The following STK3 variants were observed in gnomAD, a reference collection of about 807,000 sequenced individuals.
The protein encoded by STK3 is serine/threonine kinase 3.
STK3 carries 41 observed loss-of-function variants against 58.0 expected under a neutral mutation model. The ratio of observed to expected loss-of-function variants is 0.71; its 90% CI spans 0.55 to 0.92. STK3 has a LOEUF of 0.92. STK3 is among the 40% of genes least tolerant of loss of function. The pLI is 0.00. For missense variants in STK3, 479 were observed against 602.7 expected, an observed-to-expected ratio of 0.79 and a Z score of 2.15; for synonymous variants, 170 against 191.0, an observed-to-expected ratio of 0.89 and a Z score of 0.91.
At chr8:98,919,727 G>A (rs909059649) in intron 1 of STK3, among the ~76,000 whole-genome samples, 7 of 152,204 alleles carry the variant, frequency 4.6e-5, no homozygotes, top group Admixed American at 6.5e-5. Context: ...ATGGGTACAT[G>A]AGTGTTCATT....
At chr8:98,660,388 A>T (rs1821874611) in intron 6 of STK3, among the ~76,000 whole-genome samples, 1 of 152,090 alleles carries the variant, frequency 6.6e-6, no homozygotes. Flanking sequence ...CTGTGCACTG[A>T]AAAACAGTTA....
intron 1 of STK3, among the ~76,000 whole-genome samples, chr8:98,448,937 A>G (rs1339493155): frequency 6.6e-6 from 1 of 152,078 alleles, no homozygotes; most frequent in African/African-American, 2.4e-5. Context: ...GGAAAAATAC[A>G]GAGAGGTAGA....
chr8:98,600,102 C>T (rs1816200123), intron 6 of STK3, among the ~76,000 whole-genome samples: 1 of 152,120 alleles, frequency 6.6e-6, no homozygotes, highest in Admixed American at 6.5e-5. Flanking sequence ...CCACAGTAAG[C>T]ACAGAGTTAA....
intron 9 of STK3, among the ~76,000 whole-genome samples, chr8:98,543,976 TAA>T (rs1224965932): frequency 1.3e-5 from 2 of 150,078 alleles, no homozygotes; most frequent in Non-Finnish European, 2.9e-5. Flanking sequence ...GTTTAGAATA[TAA>T]GAGAGTGGCA....
intron 1 of STK3, among the ~76,000 whole-genome samples, chr8:98,819,018 T>C (rs1266411397): frequency 6.6e-6 from 1 of 152,110 alleles, no homozygotes; most frequent in Non-Finnish European, 1.5e-5. Context: ...AGAGACAGGG[T>C]TTCACCATGT....
At chr8:98,372,513 T>C (rs1396903495) in intron 2 of STK3, among the ~76,000 whole-genome samples, 2 of 147,414 alleles carry the variant, frequency 1.4e-5, no homozygotes, top group Non-Finnish European at 3.0e-5. Flanking sequence ...TTCCTAGGCT[T>C]TTCTACCTGA....
chr8:98,395,627 T>C (rs1817890911), intron 3 of STK3, among the ~76,000 whole-genome samples: 1 of 152,214 alleles, frequency 6.6e-6, no homozygotes, highest in African/African-American at 2.4e-5. Flanking sequence ...TGAGACACAA[T>C]CCCTGACAGA....
At chr8:98,381,747 C>G (rs1260030728) in intron 1 of STK3, among the ~76,000 whole-genome samples, 1 of 152,134 alleles carries the variant, frequency 6.6e-6, no homozygotes, top group Non-Finnish European at 1.5e-5. Flanking sequence ...TAAAGTCAAC[C>G]AGTTGTTAAG....
Position 98,441,128 on chromosome 8 carries a change from G to T in STK3, n.186-3920C>A, listed in dbSNP as rs999145258. Among the ~76,000 whole-genome samples the T allele has an allele frequency of 2.6e-5, 4 of 152,178 alleles. No homozygotes were observed. In the East Asian group the frequency reaches 7.7e-4, roughly 29 times the overall value. On this transcript the variant is annotated intron_variant and non_coding_transcript_variant, in intron 1 of 3. Transcript: ENST00000517832. Reference sequence around the variant, plus strand: ...TAATTCCACGATAGTTGAAATCAAAGAAATCAAACCTTACAGGGAGAACTC... The same window carrying T: ...TAATTCCACGATAGTTGAAATCAAATAAATCAAACCTTACAGGGAGAACTC...
At chr8:98,604,721 G>GTT (rs1457419501) in intron 6 of STK3, among the ~76,000 whole-genome samples, 2 of 152,120 alleles carry the variant, frequency 1.3e-5, no homozygotes, top group Non-Finnish European at 2.9e-5. Flanking sequence ...CCTCAAATAA[G>GTT]TTTTTCTTTT....
intron 1 of STK3, among the ~76,000 whole-genome samples, chr8:98,896,718 C>A (rs1003783570): frequency 6.6e-6 from 1 of 152,190 alleles, no homozygotes; most frequent in African/African-American, 2.4e-5. Flanking sequence ...ATGGCTCATG[C>A]CTGTAATCCC....
chr8:98,409,525 A>G (rs1457021481), intron 3 of STK3, among the ~76,000 whole-genome samples: 1 of 152,210 alleles, frequency 6.6e-6, no homozygotes, highest in Non-Finnish European at 1.5e-5. Context: ...CTGCCCATAG[A>G]CAGGTGCTCA....
chr8:98,709,284 C>T (rs1481477869), intron 4 of STK3, among the ~76,000 whole-genome samples: 1 of 151,752 alleles, frequency 6.6e-6, no homozygotes, highest in East Asian at 1.9e-4. Context: ...TCAAGAAGGC[C>T]CAAAAGACAT....
chr8:98,384,365 T>C (rs918514803), intron 1 of STK3, among the ~76,000 whole-genome samples: 1 of 152,258 alleles, frequency 6.6e-6, no homozygotes, highest in African/African-American at 2.4e-5. Context: ...TTGTGGAGTG[T>C]GCTTTCTTAC....
At chr8:98,678,524 T>C (rs899362694) in intron 6 of STK3, among the ~76,000 whole-genome samples, 2 of 152,142 alleles carry the variant, frequency 1.3e-5, no homozygotes, top group Non-Finnish European at 2.9e-5. Context: ...AAAGAAACCA[T>C]ACATTTTAAA....
At chr8:98,922,309 A>T (rs756017871) in intron 1 of STK3, among the ~76,000 whole-genome samples, 2 of 152,192 alleles carry the variant, frequency 1.3e-5, no homozygotes, top group Non-Finnish European at 2.9e-5. Flanking sequence ...TGTAGAGGAG[A>T]AATAAAAATA....
chr8:98,370,728 C>T (rs1817601875), downstream of STK3, among the ~76,000 whole-genome samples: 1 of 152,172 alleles, frequency 6.6e-6, no homozygotes, highest in Non-Finnish European at 1.5e-5. Context: ...GCATAAGGTT[C>T]AGAGCCAGAT....
At chr8:98,766,222 T>C (rs1248540269) in intron 3 of STK3, among the ~76,000 whole-genome samples, 1 of 152,214 alleles carries the variant, frequency 6.6e-6, no homozygotes, top group African/African-American at 2.4e-5. Flanking sequence ...TATATATTTG[T>C]CTTCCCAACT....
At chr8:98,794,993 G>T (rs1404170622) in intron 1 of STK3, among the ~76,000 whole-genome samples, 1 of 147,916 alleles carries the variant, frequency 6.8e-6, no homozygotes, top group African/African-American at 2.5e-5. Context: ...GCTTGAACCC[G>T]GGAGGCAGGG....
Sources: gnomAD v4.1 joint callset for allele counts (sites outside exome capture counted in the v4.1 genomes callset) on GRCh38, gnomAD v4.1.1 for gene constraint, MANE v1.5 for transcripts, NCBI Gene and HGNC (gene_info 2026-07-23, HGNC 2026-07-21) for gene names.